Variants in CEP72 observed in about 807,000 individuals in gnomAD.
CEP72 encodes centrosomal protein of 72 kDa.
CEP72 carries 78 observed loss-of-function variants against 65.7 expected under a neutral mutation model. The ratio of observed to expected loss-of-function variants is 1.19; its 90% confidence interval spans 0.99 to 1.43. The LOEUF is 1.43. CEP72 is among the 40% of genes most tolerant of loss of function. The pLI, the probability that CEP72 is intolerant of heterozygous loss-of-function variation, is 0.00. For synonymous variants in CEP72, 358 were observed against 351.7 expected (o/e 1.02, Z -0.20); for missense variants, 914 against 832.9 (o/e 1.10, Z -1.20).
At position 633,967 on chromosome 5, in the gene CEP72, G is replaced by A. The variant is rs534655583; in HGVS notation, c.691+20G>A. 1.2e-5 allele frequency: 20 copies of A among 1,606,884 alleles called. No homozygotes were observed. In the African/African-American group the frequency reaches 2.7e-4, roughly 21 times the overall value. On this transcript the variant is annotated intron_variant, in intron 5 of 11. Transcript: ENST00000264935. ...CCCAAGGTGCGCTGCTCATCTGCCA[G>A]GAGGCCAGTGGGTCCGCTGGCTCTG...
chr5:628,527 G>A (rs1736926300), intron 4 of CEP72, among the ~76,000 whole-genome samples: 1 of 149,792 alleles, frequency 6.7e-6, no homozygotes, highest in African/African-American at 2.5e-5. Context: ...CCTTCTTTGT[G>A]CAGCTTCTGG....
chr5:668,815 T>C (rs1156234744), downstream of CEP72, among the ~76,000 whole-genome samples: 1 of 152,226 alleles, frequency 6.6e-6, no homozygotes, highest in East Asian at 1.9e-4. Context: ...AGTGCTGTGA[T>C]GTGTGCGCAC....
At chr5:654,470 TGTGC>T, downstream of CEP72, among the ~76,000 whole-genome samples, 1 of 152,212 alleles carries the variant, frequency 6.6e-6, no homozygotes, top group Admixed American at 6.5e-5. Context: ...TGTGTGTGTG[TGTGC>T]GTGTGGATTG....
chr5:635,259 AC>A (rs1737507821), intron 5 of CEP72, 112 bp from the exon 6 acceptor site: 1 of 769,000 alleles, frequency 1.3e-6, no homozygotes, highest in South Asian at 1.9e-5. Context: ...CACGTGATTA[AC>A]CCCTCGGTCT....
chr5:640,424 C>G lies in CEP72; in HGVS notation c.1359C>G (p.Ile453Met), dbSNP rs776189373. 6.2e-7 allele frequency: 1 copy of G among 1,613,938 alleles called. No homozygotes were observed. Among genetic ancestry groups the G allele is most frequent in the South Asian group, 1.1e-5 (1 of 91,040 alleles). Residue 453 changes from isoleucine to methionine, a missense_variant, in exon 9 of 12, where the codon ATC (isoleucine) becomes ATG (methionine). Ile to Met is a conservative substitution (Grantham distance 10, BLOSUM62 1). Coordinates refer to ENST00000264935, the MANE Select transcript of CEP72 (RefSeq NM_018140.4). ...NEAFLAQARHILSSVEEFTAA... is the reference protein window; with the variant it reads ...NEAFLAQARHMLSSVEEFTAA... ...CACTCCTAGCTCAGGCAAGACACAT[C>G]TTGTCATCTGTTGAAGAATTCACAG...
chr5:668,410 A>G (rs1051314014), downstream of CEP72, among the ~76,000 whole-genome samples: 1 of 115,836 alleles, frequency 8.6e-6, no homozygotes, highest in African/African-American at 3.7e-5. Flanking sequence ...CGACAAGCAC[A>G]CAGAGAGGGG....
intron 11 of CEP72, among the ~76,000 whole-genome samples, chr5:652,410 C>T (rs1489572710): frequency 6.6e-6 from 1 of 152,176 alleles, no homozygotes; most frequent in African/African-American, 2.4e-5. Flanking sequence ...TTGTCTAATA[C>T]TTGTAATGCC....
intron 5 of CEP72, 56 bp from the exon 6 acceptor site, chr5:635,316 T>C: frequency 7.4e-7 from 1 of 1,344,074 alleles, no homozygotes; most frequent in South Asian, 1.3e-5. Flanking sequence ...TAATTTTTGA[T>C]GGAATAAAAC....
chr5:614,151 G>C (rs1003356577), intron 1 of CEP72, among the ~76,000 whole-genome samples: 4 of 152,008 alleles, frequency 2.6e-5, no homozygotes, highest in Admixed American at 6.6e-5. Flanking sequence ...ACCGACTTTG[G>C]GTTTGATTTT....
intron 6 of CEP72, among the ~76,000 whole-genome samples, chr5:635,857 C>T (rs1211082813): frequency 6.6e-6 from 1 of 152,194 alleles, no homozygotes; most frequent in Non-Finnish European, 1.5e-5. Context: ...TGCGGGCTGG[C>T]CCTGTGACCT....
chr5:616,384 A>G (rs1735990874), intron 1 of CEP72, among the ~76,000 whole-genome samples: 1 of 149,442 alleles, frequency 6.7e-6, no homozygotes, highest in African/African-American at 2.5e-5. Flanking sequence ...GGTGTTTGTA[A>G]TTGCTCATTG....
intron 11 of CEP72, among the ~76,000 whole-genome samples, chr5:651,592 G>C (rs1739102945): frequency 6.6e-6 from 1 of 152,014 alleles, no homozygotes; most frequent in Admixed American, 6.5e-5. Context: ...TAGGGGGATG[G>C]TGAGAAGGGG....
At chr5:637,351 G>A (rs1228060996) in intron 6 of CEP72, among the ~76,000 whole-genome samples, 166 bp from the exon 7 acceptor site, 2 of 152,164 alleles carry the variant, frequency 1.3e-5, no homozygotes, top group African/African-American at 4.8e-5. Context: ...CAGGTGTATG[G>A]ATGTATGTAT....
At chr5:671,167 C>T (rs954247834), downstream of CEP72, among the ~76,000 whole-genome samples, 1 of 152,114 alleles carries the variant, frequency 6.6e-6, no homozygotes, top group Non-Finnish European at 1.5e-5. Flanking sequence ...GGGATCAGCG[C>T]ACTGTCTCCC....
intron 9 of CEP72, chr5:643,301 G>A (rs1738182377): frequency 1.0e-6 from 1 of 985,432 alleles, no homozygotes; most frequent in East Asian, 1.1e-4. Flanking sequence ...GCACTGCCAG[G>A]AGCTTTCTGG....
At chr5:640,638 G>T (rs780208000) in intron 9 of CEP72, 34 bp downstream of exon 9, 25 of 1,575,788 alleles carry the variant, frequency 1.6e-5, no homozygotes, top group Admixed American at 1.1e-4. Context: ...CTGTGTCCAT[G>T]TGACTGGGGG....
chr5:675,188 G>A, the CEP72 span, among the ~76,000 whole-genome samples: 37,706 of 62,734 alleles, frequency 0.6, 12,960 homozygotes, highest in African/African-American at 0.89. Flanking sequence ...TGGAGGGTAC[G>A]GTGTGGCCAG....
intron 3 of CEP72, 128 bp downstream of exon 3, chr5:620,389 C>G (rs1489696182): frequency 1.3e-6 from 1 of 792,016 alleles, no homozygotes; most frequent in African/African-American, 1.7e-5. Context: ...AGTTGGTTTT[C>G]TACGCTGGTG....
At chr5:650,240 C>CTGTGAGGT (rs1738904262) in intron 11 of CEP72, among the ~76,000 whole-genome samples, 2 of 12,874 alleles carry the variant, frequency 1.6e-4, no homozygotes, top group Non-Finnish European at 1.4e-4. Flanking sequence ...GACTGTGAGG[C>CTGTGAGGT]GTGGACTGTG....
Sources: allele counts gnomAD v4.1 joint callset (sites outside exome capture counted in the v4.1 genomes callset), GRCh38; gene constraint gnomAD v4.1.1; transcripts MANE v1.5; gene names NCBI Gene and HGNC (gene_info 2026-07-23, HGNC 2026-07-21).